The following HIP1 variants were observed in gnomAD, a reference collection of about 807,000 sequenced individuals.
The protein encoded by HIP1 is huntingtin interacting protein 1.
A neutral mutation model predicts 147.6 loss-of-function variants in HIP1; 65 were observed. The observed-to-expected ratio is 0.44, with a 90% CI of 0.36 to 0.54. HIP1 has a LOEUF of 0.54. HIP1 is among the 20% of genes least tolerant of loss of function. The pLI is 0.00. For synonymous variants in HIP1, 479 were observed against 504.0 expected (o/e 0.95, Z 0.67); for missense variants, 1,061 against 1,299.6 (o/e 0.82, Z 2.82).
chr7:75,573,937 C>T (rs201882512), intron 7 of HIP1, 36 bp from the exon 8 acceptor site: 3 of 1,590,778 alleles, frequency 1.9e-6, no homozygotes, highest in African/African-American at 2.7e-5. Context: ...GGTGGTAGAG[C>T]CAGGGGATTA....
chr7:75,674,790 C>T (rs558272008), intron 1 of HIP1, among the ~76,000 whole-genome samples: 23 of 151,308 alleles, frequency 1.5e-4, no homozygotes, highest in African/African-American at 2.9e-4. Context: ...CGTGCCAGGC[C>T]GGCTTTTTTT....
chr7:75,737,062 T>C (rs1387537608), intron 1 of HIP1, among the ~76,000 whole-genome samples: 2 of 151,860 alleles, frequency 1.3e-5, no homozygotes, highest in Non-Finnish European at 2.9e-5. Flanking sequence ...GCTGGGACTA[T>C]AGGTGTATGC....
intron 22 of HIP1, among the ~76,000 whole-genome samples, chr7:75,551,275 G>A (rs1794773996): frequency 7.5e-6 from 1 of 133,876 alleles, no homozygotes; most frequent in Non-Finnish European, 1.5e-5. Flanking sequence ...TCGGCTCACT[G>A]CAGCCTCCGC....
chr7:75,590,945 G>C (rs1554500621), intron 4 of HIP1, among the ~76,000 whole-genome samples: 1 of 152,020 alleles, frequency 6.6e-6, no homozygotes, highest in African/African-American at 2.4e-5. Flanking sequence ...TATAGGTGCA[G>C]ACAGATACAG....
chr7:75,623,112 C>T (rs966256357), intron 1 of HIP1, among the ~76,000 whole-genome samples: 16 of 147,498 alleles, frequency 1.1e-4, no homozygotes, highest in Non-Finnish European at 1.8e-4. Context: ...GCAGGAGAAT[C>T]GCTGGAACCT....
In HIP1 at chr7:75,650,453, C is replaced by CTTTTTTTT. The variant is rs782108312; in HGVS notation, c.121-51214_121-51207dup. The stretch of plus-strand genomic sequence containing the variant: ...CAGGGATGTGTCTCTGCCCAGTTAT[C>CTTTTTTTT]TTTTTTTTTTTTTTTTTGAGACAGA... On this transcript the variant is annotated intron_variant, in intron 1 of 30. Transcript: ENST00000336926. Among the ~76,000 whole-genome samples the CTTTTTTTT allele has an allele frequency of 1.7e-3, 213 of 126,490 alleles. 1 individual carries two copies. Among genetic ancestry groups the CTTTTTTTT allele is most frequent in the South Asian group, 3.2e-3 (13 of 4,058 alleles). 83.0% of individuals were successfully genotyped at this position (126,490 alleles called of 152,430 possible). A position where few individuals can be genotyped will look rare whatever the true frequency, so the allele number is the denominator to read the frequency against.
chr7:75,719,503 CAAA>C (rs782452885), intron 1 of HIP1, among the ~76,000 whole-genome samples: 3 of 117,874 alleles, frequency 2.5e-5, no homozygotes, highest in Admixed American at 9.0e-5. Context: ...GACTCCATCT[CAAA>C]AAAAAAAAAA....
At chr7:75,649,486 C>G (rs1554511611) in intron 1 of HIP1, among the ~76,000 whole-genome samples, 1 of 152,098 alleles carries the variant, frequency 6.6e-6, no homozygotes, top group East Asian at 1.9e-4. Context: ...TCTGAGAGGG[C>G]AAAAATAAAG....
At chr7:75,558,315 C>T (rs1340683646) in intron 14 of HIP1, 60 bp from the exon 15 acceptor site, 2 of 1,320,092 alleles carry the variant, frequency 1.5e-6, no homozygotes, top group Admixed American at 1.7e-5. Flanking sequence ...GCCTTCCTTG[C>T]AATGAGCCAG....
intron 1 of HIP1, among the ~76,000 whole-genome samples, chr7:75,696,215 T>C (rs1200273160): frequency 1.3e-5 from 2 of 151,632 alleles, no homozygotes; most frequent in Non-Finnish European, 2.9e-5. Context: ...CTCGAACTCC[T>C]GGGCTAAAGC....
In HIP1 at chr7:75,537,186, G is replaced by C. The variant is rs3801476; in HGVS notation, c.*986C>G. ...GCATGTGATCAAGTTTTTGAGCCTC[G>C]TCACGGGAACTGGGCTGTGTGAACC... On this transcript the variant is annotated 3_prime_UTR_variant, in exon 31 of 31. Transcript: ENST00000336926. 1 of 232,782 alleles carries C rather than the reference G, an allele frequency of 4.3e-6. No individual in the cohort carries two copies. Among genetic ancestry groups the C allele is most frequent in the Non-Finnish European group, 8.5e-6 (1 of 117,674 alleles). The allele number at this position is 232,782 out of a possible 1,614,324, so 14.4% of individuals were successfully genotyped here.
intron 1 of HIP1, among the ~76,000 whole-genome samples, chr7:75,600,799 C>A (rs1796945615): frequency 6.6e-6 from 1 of 152,038 alleles, no homozygotes; most frequent in Non-Finnish European, 1.5e-5. Flanking sequence ...CTTTTTCTGT[C>A]CCCTAAGCTG....
chr7:75,661,002 G>A (rs1242857159), intron 1 of HIP1, among the ~76,000 whole-genome samples: 1 of 152,040 alleles, frequency 6.6e-6, no homozygotes, highest in African/African-American at 2.4e-5. Flanking sequence ...CCAAGTAGCC[G>A]GCGTGGTGGC....
intron 27 of HIP1, among the ~76,000 whole-genome samples, chr7:75,544,043 G>A (rs986032981): frequency 2.4e-4 from 37 of 152,034 alleles, no homozygotes; most frequent in African/African-American, 8.7e-4. Flanking sequence ...GTGGTGGCAC[G>A]TGTCTGTAGT....
intron 7 of HIP1, among the ~76,000 whole-genome samples, chr7:75,579,059 C>A (rs587665865): frequency 2.6e-5 from 4 of 151,734 alleles, no homozygotes; most frequent in Admixed American, 2.0e-4. Context: ...ACCTCATGAT[C>A]CACCTGCCTT....
Position 75,646,564 on chromosome 7 carries a change from T to C in HIP1, c.121-47317A>G, listed in dbSNP as rs531521685. On this transcript the variant is annotated intron_variant, in intron 1 of 30. Transcript: ENST00000336926. ...GGACACTGAGATAGAGAGACATTAG[T>C]GGCTTGCCCGGGGTCTTGCAGGGAG... Among the ~76,000 whole-genome samples the C allele has an allele frequency of 2.6e-5, 4 of 152,346 alleles. No individual in the cohort carries two copies. The South Asian group carries it at 8.3e-4, about 32-fold the overall frequency.
intron 1 of HIP1, among the ~76,000 whole-genome samples, chr7:75,629,834 G>A (rs59011071): frequency 0.01 from 1,534 of 152,120 alleles, 31 homozygotes; most frequent in African/African-American, 0.036. Context: ...GAGCCACTGC[G>A]CCCGGCCTGC....
intron 9 of HIP1, among the ~76,000 whole-genome samples, chr7:75,565,032 G>A (rs1282240004): frequency 7.2e-5 from 11 of 152,238 alleles, no homozygotes; most frequent in African/African-American, 2.4e-4. Context: ...AGTAGCTGGA[G>A]TTAACTACAT....
intron 1 of HIP1, among the ~76,000 whole-genome samples, chr7:75,662,650 C>T (rs1799356117): frequency 6.6e-6 from 1 of 152,100 alleles, no homozygotes; most frequent in Admixed American, 6.6e-5. Flanking sequence ...GGATTACAGG[C>T]ACACACTACC....
Sources: gnomAD v4.1 joint callset for allele counts (sites outside exome capture counted in the v4.1 genomes callset) on GRCh38, gnomAD v4.1.1 for gene constraint, MANE v1.5 for transcripts, NCBI Gene and HGNC (gene_info 2026-07-23, HGNC 2026-07-21) for gene names.